RORA: variants seen among roughly 807,000 people sequenced by gnomAD.
The protein encoded by RORA is nuclear receptor ROR-alpha.
A neutral mutation model predicts 69.5 loss-of-function variants in RORA; 7 were observed. The ratio of observed to expected loss-of-function variants is 0.10; its 90% CI spans 0.06 to 0.19. RORA has a LOEUF of 0.19. Ranked by LOEUF, RORA falls within the 10% of genes least tolerant of loss-of-function variation. The probability of loss-of-function intolerance (pLI) is 1.00; values close to 1 mark genes in which losing one functional copy is unlikely to be tolerated. For synonymous variants in RORA, 261 were observed against 240.8 expected (o/e 1.08, Z -0.78); for missense variants, 457 against 663.0 (o/e 0.69, Z 3.41).
At chr15:60,842,094 T>C (rs1237094919) in intron 1 of RORA, among the ~76,000 whole-genome samples, 1 of 152,086 alleles carries the variant, frequency 6.6e-6, no homozygotes, top group African/African-American at 2.4e-5. Flanking sequence ...CATCCCTTGC[T>C]CCTCAGCCAT....
intron 2 of RORA, among the ~76,000 whole-genome samples, chr15:60,591,812 C>T (rs1256851359): frequency 3.3e-5 from 5 of 152,074 alleles, no homozygotes; most frequent in Non-Finnish European, 7.4e-5. Flanking sequence ...CAGCGCGGGA[C>T]ACAGCGCGGA....
chr15:61,137,019 A>AAAAG (rs551072168), intron 1 of RORA, among the ~76,000 whole-genome samples: 3,880 of 61,054 alleles, frequency 0.064, 621 homozygotes, highest in East Asian at 0.087. Flanking sequence ...AAATAAATAA[A>AAAAG]AAAGAAAGAA....
At position 61,119,784 on chromosome 15, in the gene RORA, T is replaced by C. The variant is rs551551182; in HGVS notation, c.166+109269A>G. Among the ~76,000 whole-genome samples the C allele has an allele frequency of 5.9e-5, 9 of 152,308 alleles. No individual in the cohort carries two copies. In the East Asian group the frequency reaches 1.4e-3, roughly 23 times the overall value. On this transcript the variant is annotated intron_variant, in intron 1 of 10. Transcript: ENST00000335670. ...TACCAGAGTTGACTCATTTATTTTA[T>C]GCATGCTTAGTGTGGCATCCCTGGG... is the stretch of plus-strand genomic sequence containing the variant.
intron 1 of RORA, among the ~76,000 whole-genome samples, chr15:60,832,618 C>T (rs2073056349): frequency 6.6e-6 from 1 of 152,052 alleles, no homozygotes; most frequent in African/African-American, 2.4e-5. Flanking sequence ...GACATCTATA[C>T]CCAAACTAAT....
intron 1 of RORA, among the ~76,000 whole-genome samples, chr15:60,830,987 C>T (rs2073035002): frequency 6.6e-6 from 1 of 152,058 alleles, no homozygotes; most frequent in African/African-American, 2.4e-5. Context: ...AAAAGAGAAA[C>T]CCCAATTCAA....
chr15:60,692,196 A>C (rs2070837618), intron 1 of RORA, among the ~76,000 whole-genome samples: 1 of 152,234 alleles, frequency 6.6e-6, no homozygotes, highest in South Asian at 2.1e-4. Flanking sequence ...GTAGTTTGGC[A>C]AAACTGTTTT....
intron 2 of RORA, among the ~76,000 whole-genome samples, chr15:60,622,643 A>G (rs1456851510): frequency 6.6e-6 from 1 of 152,210 alleles, no homozygotes; most frequent in Non-Finnish European, 1.5e-5. Flanking sequence ...AACAGAAAGA[A>G]ATACAATACC....
rs757057890 is a variant in RORA at position 61,190,848 on chromosome 15, G to A, written c.166+38205C>T. Among the ~76,000 whole-genome samples, 30 of 152,250 alleles carry A rather than the reference G, an allele frequency of 2.0e-4. No homozygotes were observed. In the Middle Eastern group the frequency reaches 0.01, roughly 52 times the overall value. Reference sequence around the variant, plus strand: ...TTGCATGTATGTGTGTGTGTGTATGGTTTTATATATATTTATATAAAGTAT... The same window carrying A: ...TTGCATGTATGTGTGTGTGTGTATGATTTTATATATATTTATATAAAGTAT... On this transcript the variant is annotated intron_variant, in intron 1 of 10. Coordinates refer to ENST00000335670, the MANE Select transcript of RORA (RefSeq NM_134261.3).
intron 1 of RORA, among the ~76,000 whole-genome samples, chr15:61,138,399 G>C (rs2079264800): frequency 6.6e-6 from 1 of 152,102 alleles, no homozygotes; most frequent in Non-Finnish European, 1.5e-5. Flanking sequence ...TATTCGGAGA[G>C]CAGACTTCAT....
chr15:60,739,212 C>T (rs1392466629), intron 1 of RORA, among the ~76,000 whole-genome samples: 1 of 152,058 alleles, frequency 6.6e-6, no homozygotes, highest in Non-Finnish European at 1.5e-5. Flanking sequence ...CTGAAGGCAA[C>T]GTAGAAACCC....
intron 2 of RORA, chr15:60,601,086 A>C (rs2068798537): frequency 6.6e-6 from 1 of 152,220 alleles, no homozygotes; most frequent in African/African-American, 2.4e-5. Context: ...GTGCACTCCT[A>C]AACATTATGC....
At chr15:60,887,800 C>A (rs1043749183) in intron 1 of RORA, among the ~76,000 whole-genome samples, 14 of 152,180 alleles carry the variant, frequency 9.2e-5, no homozygotes, top group African/African-American at 3.4e-4. Context: ...CGGCACCTTG[C>A]TGCGGGCATC....
At chr15:60,844,901 C>T (rs2073244966) in intron 1 of RORA, among the ~76,000 whole-genome samples, 2 of 152,212 alleles carry the variant, frequency 1.3e-5, no homozygotes, top group South Asian at 4.2e-4. Flanking sequence ...GGTAACTGGG[C>T]AACACATAAT....
chr15:60,944,694 C>CAAAAAAAAA, intron 1 of RORA, among the ~76,000 whole-genome samples: 1 of 96,434 alleles, frequency 1.0e-5, no homozygotes, highest in Non-Finnish European at 2.1e-5. Context: ...CACTGTACTC[C>CAAAAAAAAA]AAAAAAAAAA....
intron 2 of RORA, among the ~76,000 whole-genome samples, chr15:60,609,673 T>C (rs1182751371): frequency 6.6e-6 from 1 of 151,722 alleles, no homozygotes; most frequent in East Asian, 1.9e-4. Context: ...ACAGAAGAGG[T>C]TGATAAAAAT....
chr15:61,022,704 A>T (rs990787509), intron 1 of RORA, among the ~76,000 whole-genome samples: 1 of 152,200 alleles, frequency 6.6e-6, no homozygotes, highest in Non-Finnish European at 1.5e-5. Flanking sequence ...AAGAGTGTAC[A>T]GATTTAAGTA....
At chr15:61,082,698 A>G (rs2078563278) in intron 1 of RORA, among the ~76,000 whole-genome samples, 1 of 152,162 alleles carries the variant, frequency 6.6e-6, no homozygotes, top group Non-Finnish European at 1.5e-5. Flanking sequence ...AGAAAGGCCA[A>G]TGGGGTTGCT....
intron 1 of RORA, among the ~76,000 whole-genome samples, chr15:61,071,245 A>T (rs866371368): frequency 2.2e-3 from 3 of 1,368 alleles, no homozygotes; most frequent in Non-Finnish European, 2.6e-3. Flanking sequence ...GGGGAGGGGA[A>T]GGGAATGGAG....
intron 1 of RORA, among the ~76,000 whole-genome samples, chr15:60,826,290 A>G (rs1189557660): frequency 6.6e-6 from 1 of 152,260 alleles, no homozygotes; most frequent in Non-Finnish European, 1.5e-5. Flanking sequence ...TAATGAATGA[A>G]CAAACCAGAA....
Sources: allele counts gnomAD v4.1 joint callset (sites outside exome capture counted in the v4.1 genomes callset), GRCh38; gene constraint gnomAD v4.1.1; transcripts MANE v1.5; gene names NCBI Gene and HGNC (gene_info 2026-07-23, HGNC 2026-07-21).